ABCA12: variants seen among roughly 807,000 people sequenced by gnomAD.
ABCA12 encodes glucosylceramide transporter ABCA12.
ABCA12 carries 156 observed loss-of-function variants against 293.5 expected under a neutral mutation model. The ratio of observed to expected loss-of-function variants is 0.53; its 90% CI spans 0.47 to 0.61. The LOEUF is 0.61. ABCA12 is among the 20% of genes least tolerant of loss of function. The pLI, the probability that ABCA12 is intolerant of heterozygous loss-of-function variation, is 0.00. For synonymous variants in ABCA12, 1,063 were observed against 1,108.0 expected (o/e 0.96, Z 0.81); for missense variants, 2,797 against 3,090.2 (o/e 0.91, Z 2.25).
intron 2 of ABCA12, among the ~76,000 whole-genome samples, chr2:215,103,386 A>G (rs774062759): frequency 1.6e-3 from 244 of 148,886 alleles, no homozygotes; most frequent in Non-Finnish European, 2.8e-3. Flanking sequence ...ATCCTGCCTC[A>G]GCCTACCAAG....
At chr2:215,004,906 A>G (rs774284592) in intron 19 of ABCA12, 1 of 152,244 alleles carries the variant, frequency 6.6e-6, no homozygotes, top group Non-Finnish European at 1.5e-5. Context: ...TGAAAGAATA[A>G]ATTGATGATA....
At chr2:215,101,353 C>G (rs933835045) in intron 2 of ABCA12, among the ~76,000 whole-genome samples, 1 of 152,130 alleles carries the variant, frequency 6.6e-6, no homozygotes, top group Non-Finnish European at 1.5e-5. Flanking sequence ...AATTTAAACT[C>G]TCTGGTCCTC....
rs1703014484 is a variant in ABCA12, at chr2:215,129,853, T to C, written c.69+8287A>G. Reference sequence around the variant, plus strand: ...TCCAGGCTTTCTTTTAGGATTTTTATAGTTTAAGTCTTATGTTTAGGTCTT... The same window carrying C: ...TCCAGGCTTTCTTTTAGGATTTTTACAGTTTAAGTCTTATGTTTAGGTCTT... On this transcript the variant is annotated intron_variant, in intron 1 of 52. Transcript: ENST00000272895. Among the ~76,000 whole-genome samples, 3 of 152,312 alleles carry C rather than the reference T, an allele frequency of 2.0e-5. No individual in the cohort carries two copies. In the South Asian group the frequency reaches 6.2e-4, roughly 32 times the overall value.
At chr2:215,096,318 G>A (rs1355674191) in intron 2 of ABCA12, among the ~76,000 whole-genome samples, 1 of 152,250 alleles carries the variant, frequency 6.6e-6, no homozygotes, top group Admixed American at 6.5e-5. Context: ...ATGACACAAA[G>A]GTGAAGCTGA....
At chr2:214,958,148 T>C (rs1354071353) in intron 41 of ABCA12, 129 bp downstream of exon 41, 17 of 1,290,492 alleles carry the variant, frequency 1.3e-5, no homozygotes, top group Non-Finnish European at 1.9e-5. Context: ...CTCAAGTCAT[T>C]TTCTTTATTT....
intron 6 of ABCA12, among the ~76,000 whole-genome samples, chr2:215,049,297 T>G (rs1355844430): frequency 6.6e-6 from 1 of 152,206 alleles, no homozygotes; most frequent in African/African-American, 2.4e-5. Context: ...TTATTAAACT[T>G]GTATCACAGC....
chr2:215,101,943 C>G (rs1379957495), intron 2 of ABCA12, among the ~76,000 whole-genome samples: 1 of 152,188 alleles, frequency 6.6e-6, no homozygotes, highest in Non-Finnish European at 1.5e-5. Flanking sequence ...AGCTCCTACT[C>G]CTTAAAACCA....
At chr2:215,112,552 A>G (rs2948979) in intron 1 of ABCA12, among the ~76,000 whole-genome samples, 124,628 of 149,468 alleles carry the variant, frequency 0.83, 55,021 homozygotes, top group East Asian at 0.98. Flanking sequence ...AGGCTGGATC[A>G]CAGTGGTGTG....
intron 3 of ABCA12, among the ~76,000 whole-genome samples, chr2:215,063,477 G>GAC (rs1559173731): frequency 1.3e-5 from 2 of 151,878 alleles, no homozygotes; most frequent in African/African-American, 2.4e-5. Context: ...AGTTGTAAAT[G>GAC]GTCAGGTTGT....
chr2:214,982,149 G>A lies in ABCA12; in HGVS notation c.4579+38C>T, dbSNP rs751284091. ...TGTATATGCCAGAGGGCAGAAGTATGACTGTTGGGTGGAGAAGTTCTGAGA... is the reference window on the plus strand; with the variant it reads ...TGTATATGCCAGAGGGCAGAAGTATAACTGTTGGGTGGAGAAGTTCTGAGA... On this transcript the variant is annotated intron_variant, in intron 30 of 52. Coordinates refer to ENST00000272895, the MANE Select transcript of ABCA12 (RefSeq NM_173076.3). The A allele has an allele frequency of 1.1e-5, 18 of 1,604,930 alleles. No individual in the cohort carries two copies. In the East Asian group the frequency reaches 3.8e-4, roughly 34 times the overall value.
chr2:214,963,076 G>A (rs1165765533), intron 39 of ABCA12: 1 of 151,898 alleles, frequency 6.6e-6, no homozygotes, highest in Non-Finnish European at 1.5e-5. Flanking sequence ...GATCAGAGCT[G>A]AACTGAAGGA....
chr2:215,001,850 C>G (rs10169991), intron 20 of ABCA12, 113 bp from the exon 21 acceptor site: 950,421 of 950,634 alleles, frequency 1, 475,104 homozygotes, highest in Middle Eastern at 1. Flanking sequence ...ATAACAAAAG[C>G]CTGCAGAATT....
At chr2:215,132,720 T>C (rs1703087505) in intron 1 of ABCA12, among the ~76,000 whole-genome samples, 1 of 152,098 alleles carries the variant, frequency 6.6e-6, no homozygotes, top group South Asian at 2.1e-4. Context: ...AAGCAGGGCA[T>C]TGAGGCATTT....
At chr2:215,137,245 C>T (rs1014655885) in intron 1 of ABCA12, among the ~76,000 whole-genome samples, 2 of 152,034 alleles carry the variant, frequency 1.3e-5, no homozygotes, top group Admixed American at 6.5e-5. Flanking sequence ...AAGCCTGGAG[C>T]GAGATAAGGT....
chr2:214,941,923 G>C (rs975868277), intron 50 of ABCA12, among the ~76,000 whole-genome samples: 5 of 152,084 alleles, frequency 3.3e-5, no homozygotes, highest in African/African-American at 1.2e-4. Flanking sequence ...TTGCCAGTCT[G>C]TGTCTTTTAA....
chr2:214,961,782 G>A (rs1424900497), intron 39 of ABCA12: 1 of 151,936 alleles, frequency 6.6e-6, no homozygotes, highest in Non-Finnish European at 1.5e-5. Flanking sequence ...TATCAATCTT[G>A]TATTTTCTTC....
rs1700131437 is a variant in ABCA12 at position 215,000,977 on chromosome 2, G to A, written c.2907C>T (p.Gly969=). Residue 969 remains glycine, a synonymous_variant, in exon 22 of 53, where the codon GGC becomes GGT. Transcript: ENST00000272895. ...GAAGAAAGACATTTCCAGAGTCATA[G>A]CCTCTGTGCCAGCTTCTGTTAGAAG... ...KLPSNRSWHR[G]YDSGNVFLPP... is the part of the protein sequence containing the mutation. 1 of 1,613,934 alleles carries A rather than the reference G, an allele frequency of 6.2e-7. No individual in the cohort carries two copies. The highest frequency in any genetic ancestry group is 1.7e-5 in the Admixed American group (1 of 59,982).
chr2:215,061,825 CT>C (rs1283457519), intron 3 of ABCA12, among the ~76,000 whole-genome samples: 1 of 152,026 alleles, frequency 6.6e-6, no homozygotes, highest in East Asian at 1.9e-4. Context: ...TTTAATCCTA[CT>C]TCCAAAACCA....
At chr2:215,079,312 A>C (rs958863086) in intron 2 of ABCA12, among the ~76,000 whole-genome samples, 2 of 152,242 alleles carry the variant, frequency 1.3e-5, no homozygotes, top group Non-Finnish European at 2.9e-5. Flanking sequence ...TGTGAAACAG[A>C]AGGATGAGAA....
Sources: allele counts gnomAD v4.1 joint callset (sites outside exome capture counted in the v4.1 genomes callset), GRCh38; gene constraint gnomAD v4.1.1; transcripts MANE v1.5; gene names NCBI Gene and HGNC (gene_info 2026-07-23, HGNC 2026-07-21).